Variants in PRMT8 observed in about 807,000 individuals in gnomAD.
The protein encoded by PRMT8 is protein arginine methyltransferase 8.
Under a neutral mutation model 47.1 loss-of-function variants are expected in PRMT8, and 7 were observed. The observed-to-expected ratio is 0.15, with a 90% CI of 0.08 to 0.28. The LOEUF is 0.28. PRMT8 is among the 10% of genes least tolerant of loss of function. The pLI, the probability that PRMT8 is intolerant of heterozygous loss-of-function variation, is 1.00. For synonymous variants in PRMT8, 188 were observed against 186.5 expected (o/e 1.01, Z -0.07); for missense variants, 237 against 505.4 (o/e 0.47, Z 5.09).
In PRMT8 at chr12:3,564,093, T is replaced by C. The variant is rs978051380; in HGVS notation, c.482-4613T>C. 2.0e-5 allele frequency among the ~76,000 whole-genome samples: 3 copies of C among 152,100 alleles called. No homozygotes were observed. In the East Asian group the frequency reaches 5.8e-4, roughly 29 times the overall value. ...CATACGCTGGAGGTGAGCCGGGCCC[T>C]CCGCAGGTGCAAGGCAGCCAGCATG... On this transcript the variant is annotated intron_variant, in intron 4 of 9. Coordinates refer to ENST00000382622, the MANE Select transcript of PRMT8 (RefSeq NM_019854.5). The surrounding 1 kb of genome is among the most constrained non-coding windows in gnomAD (Gnocchi z 4.0).
chr12:3,394,571 A>G (rs1369638391), intron 1 of PRMT8, among the ~76,000 whole-genome samples: 2 of 152,122 alleles, frequency 1.3e-5, no homozygotes, highest in Non-Finnish European at 2.9e-5. Context: ...CCACTTGATC[A>G]TGGTGGATAA....
At chr12:3,397,946 A>T (rs969994947) in intron 1 of PRMT8, among the ~76,000 whole-genome samples, 3 of 152,198 alleles carry the variant, frequency 2.0e-5, no homozygotes, top group Non-Finnish European at 4.4e-5. Flanking sequence ...GGAAAAGCGC[A>T]GTATTCGGGT....
chr12:3,474,778 C>CACGGAA (rs1461128610), intron 1 of PRMT8, among the ~76,000 whole-genome samples: 32 of 152,270 alleles, frequency 2.1e-4, no homozygotes, highest in Middle Eastern at 3.4e-3. Context: ...CTCTCATGTG[C>CACGGAA]TCTTCCCCTT....
At chr12:3,568,959 G>A (rs1866789797) in intron 5 of PRMT8, 111 bp downstream of exon 5, 6 of 1,424,490 alleles carry the variant, frequency 4.2e-6, no homozygotes, top group Admixed American at 1.9e-5. Flanking sequence ...CTGAGGCCAG[G>A]AGGTCACTGC....
At chr12:3,556,254 C>T (rs1157937479) in intron 4 of PRMT8, among the ~76,000 whole-genome samples, 1 of 151,946 alleles carries the variant, frequency 6.6e-6, no homozygotes, top group Admixed American at 6.6e-5. Context: ...GATGAGGTCA[C>T]TTAGGGATGG....
intron 1 of PRMT8, among the ~76,000 whole-genome samples, chr12:3,507,406 C>A (rs1340849309): frequency 6.6e-6 from 1 of 152,164 alleles, no homozygotes; most frequent in African/African-American, 2.4e-5. Flanking sequence ...CAGGCGTGAA[C>A]CACCGCGCCC....
At chr12:3,397,005 C>T (rs1284401858) in intron 1 of PRMT8, among the ~76,000 whole-genome samples, 12 of 152,038 alleles carry the variant, frequency 7.9e-5, no homozygotes, top group East Asian at 1.9e-4. Flanking sequence ...TTGATCACAC[C>T]GGCTCCTGAG....
rs1283952785 is a variant in PRMT8 at position 3,566,674 on chromosome 12, C to A, written c.482-2032C>A. On this transcript the variant is annotated intron_variant, in intron 4 of 9. Transcript: ENST00000382622. The surrounding 1 kb of genome is among the most constrained non-coding windows in gnomAD (Gnocchi z 4.7). Reference sequence around the variant, plus strand: ...CAGCAAACGGTGTGCTCTTTGCCATCCAGGAGCCTCAGTCCAAATTAATTT... The same window carrying A: ...CAGCAAACGGTGTGCTCTTTGCCATACAGGAGCCTCAGTCCAAATTAATTT... Among the ~76,000 whole-genome samples the A allele has an allele frequency of 1.3e-5, 2 of 152,192 alleles. No individual in the cohort carries two copies. The highest frequency in any genetic ancestry group is 2.9e-5 in the Non-Finnish European group (2 of 68,036).
intron 1 of PRMT8, among the ~76,000 whole-genome samples, chr12:3,537,738 T>G (rs1371647071): frequency 6.6e-6 from 1 of 152,174 alleles, no homozygotes; most frequent in African/African-American, 2.4e-5. Context: ...TTTTGTCAGT[T>G]GCCAAAGCCT....
intron 3 of PRMT8, chr12:3,551,045 T>C (rs1307602525): frequency 6.6e-6 from 1 of 152,082 alleles, no homozygotes; most frequent in Non-Finnish European, 1.5e-5. Flanking sequence ...CCCATGCATT[T>C]GGTTGGGCCA....
intron 1 of PRMT8, among the ~76,000 whole-genome samples, chr12:3,522,304 C>T (rs768297062): frequency 6.6e-5 from 10 of 152,148 alleles, no homozygotes; most frequent in Non-Finnish European, 1.2e-4. Context: ...CTAACTCAAA[C>T]CCTGTCTCTG....
chr12:3,581,042 G>A (rs889129884), intron 7 of PRMT8, among the ~76,000 whole-genome samples: 3 of 152,232 alleles, frequency 2.0e-5, no homozygotes, highest in Non-Finnish European at 2.9e-5. Context: ...CTTGAGGGAT[G>A]TGGTGGAGGA....
chr12:3,389,395 T>C (rs1864170960), intron 1 of PRMT8, among the ~76,000 whole-genome samples: 2 of 152,186 alleles, frequency 1.3e-5, no homozygotes, highest in African/African-American at 4.8e-5. Context: ...GCCCAGCCCT[T>C]GGTCCTCTGC....
chr12:3,558,779 T>C (rs1866571995), intron 4 of PRMT8, among the ~76,000 whole-genome samples: 1 of 152,196 alleles, frequency 6.6e-6, no homozygotes, highest in African/African-American at 2.4e-5. Flanking sequence ...AATTTCGGCT[T>C]GTCTCATTAC....
chr12:3,571,051 C>T (rs1039443556), intron 6 of PRMT8, among the ~76,000 whole-genome samples: 3 of 152,174 alleles, frequency 2.0e-5, no homozygotes, highest in Non-Finnish European at 2.9e-5. Context: ...TTCTCAATCC[C>T]ACAGACTTGT....
At chr12:3,424,972 A>G (rs1864586773) in intron 1 of PRMT8, among the ~76,000 whole-genome samples, 1 of 152,118 alleles carries the variant, frequency 6.6e-6, no homozygotes. Context: ...TCTTCCTCAG[A>G]GTCACTTTGC....
chr12:3,583,407 G>T lies in PRMT8; in HGVS notation c.979+199G>T, dbSNP rs1867110092. Among the ~76,000 whole-genome samples, 1 of 152,182 alleles carries T rather than the reference G, an allele frequency of 6.6e-6. No homozygotes were observed. The highest frequency in any genetic ancestry group is 2.4e-5 in the African/African-American group (1 of 41,444). ...CCAAGGAGAAGGTAAATAATGTTGT[G>T]GTTGTTACAGCACAAGTTGAGAGTG... On this transcript the variant is annotated intron_variant, in intron 8 of 9. Transcript: ENST00000382622. This position sits in a 1 kb window ranked among gnomAD's most constrained non-coding sequence, Gnocchi z 4.7.
At chr12:3,587,507 T>C (rs1315569367) in intron 8 of PRMT8, among the ~76,000 whole-genome samples, 1 of 152,204 alleles carries the variant, frequency 6.6e-6, no homozygotes, top group Non-Finnish European at 1.5e-5. Context: ...TTACACTTAT[T>C]GATTCGAGCT....
intron 1 of PRMT8, among the ~76,000 whole-genome samples, chr12:3,430,001 C>T (rs920013302): frequency 2.0e-5 from 3 of 152,222 alleles, no homozygotes; most frequent in African/African-American, 4.8e-5. Context: ...CAGACAAGAA[C>T]CCCTCAGACA....
Sources: gnomAD v4.1 joint callset for allele counts (sites outside exome capture counted in the v4.1 genomes callset) on GRCh38, gnomAD v4.1.1 for gene constraint, Gnocchi (gnomAD v3.1) non-coding constraint, MANE v1.5 for transcripts, NCBI Gene and HGNC (gene_info 2026-07-23, HGNC 2026-07-21) for gene names.